TBCA: variants seen among roughly 807,000 people sequenced by gnomAD.
The protein encoded by TBCA is tubulin-specific chaperone A.
In TBCA, 6 loss-of-function variants were observed where a neutral mutation model predicts 15.8. The ratio of observed to expected loss-of-function variants is 0.38; its 90% CI spans 0.21 to 0.75. TBCA has a LOEUF of 0.75. TBCA is among the 30% of genes least tolerant of loss of function. TBCA has a pLI of 0.46. For synonymous variants in TBCA, 32 were observed against 42.3 expected (o/e 0.76, Z 0.94); for missense variants, 90 against 131.2 (o/e 0.69, Z 1.53).
chr5:77,774,695 C>T (rs1580144436), intron 1 of TBCA, among the ~76,000 whole-genome samples: 1 of 152,262 alleles, frequency 6.6e-6, no homozygotes. Context: ...CAAGCTGTAG[C>T]CTGACCACCT....
chr5:77,732,176 A>C (rs1746787509), intron 1 of TBCA, among the ~76,000 whole-genome samples: 2 of 152,182 alleles, frequency 1.3e-5, no homozygotes, highest in Non-Finnish European at 2.9e-5. Context: ...ACATTTCTAG[A>C]GCTATAGCTT....
At chr5:77,707,870 T>C (rs1041097516) in intron 2 of TBCA, among the ~76,000 whole-genome samples, 18 of 152,182 alleles carry the variant, frequency 1.2e-4, no homozygotes, top group Non-Finnish European at 2.2e-4. Flanking sequence ...AAATCTTAGC[T>C]ATGCCAGGTG....
intron 1 of TBCA, among the ~76,000 whole-genome samples, chr5:77,739,003 T>C (rs1746972867): frequency 6.6e-6 from 1 of 152,202 alleles, no homozygotes; most frequent in South Asian, 2.1e-4. Context: ...TTTGGTTTAA[T>C]GGAAGAGAAT....
intron 1 of TBCA, among the ~76,000 whole-genome samples, chr5:77,759,576 TTAAAG>T (rs1229946516): frequency 6.6e-6 from 1 of 152,124 alleles, no homozygotes; most frequent in East Asian, 1.9e-4. Flanking sequence ...GATAAAAAAT[TTAAAG>T]TAAGCATAAA....
At chr5:77,693,567 G>C in intron 2 of TBCA, 1 of 561,644 alleles carries the variant, frequency 1.8e-6, no homozygotes, top group Non-Finnish European at 3.1e-6. Context: ...GGGAGACCGA[G>C]GCAGGCAGAT....
intron 1 of TBCA, among the ~76,000 whole-genome samples, chr5:77,749,065 T>C (rs533514362): frequency 3.1e-4 from 47 of 152,346 alleles, no homozygotes; most frequent in African/African-American, 8.4e-4. Context: ...CTCTGCTTCT[T>C]TGGGGCACTT....
chr5:77,757,746 T>A (rs1025775722), intron 1 of TBCA, among the ~76,000 whole-genome samples: 3 of 152,166 alleles, frequency 2.0e-5, no homozygotes, highest in South Asian at 4.2e-4. Flanking sequence ...CTCAGTCAAT[T>A]TGGAAAGTTT....
Position 77,693,276 on chromosome 5 carries a change from T to C in TBCA, c.236A>G (p.Gln79Arg). The C allele has an allele frequency of 6.2e-7, 1 of 1,613,904 alleles. No homozygotes were observed. The highest frequency in any genetic ancestry group is 8.5e-7 in the Non-Finnish European group (1 of 1,179,952). Residue 79 changes from glutamine to arginine, a missense_variant, in exon 3 of 4, where the codon CAA becomes CGA. Transcript: ENST00000380377. The part of the protein sequence containing the change: ...RRLEAAYLDL[Q>R]RILENEKDLE... ...GAAGTCTTTGCTTACTAGTATCCGT[T>C]GAAGATCCAAATATGCGGCTTCCAA...
At chr5:77,721,347 G>A (rs771635225) in intron 1 of TBCA, among the ~76,000 whole-genome samples, 2 of 152,180 alleles carry the variant, frequency 1.3e-5, no homozygotes, top group East Asian at 1.9e-4. Context: ...TTTATGCAGC[G>A]TATTGAACTA....
intron 1 of TBCA, among the ~76,000 whole-genome samples, chr5:77,749,827 G>C (rs1747275344): frequency 6.6e-6 from 1 of 152,156 alleles, no homozygotes; most frequent in Admixed American, 6.5e-5. Flanking sequence ...ATCAATAGAA[G>C]ACTAGTTTTT....
intron 1 of TBCA, among the ~76,000 whole-genome samples, chr5:77,749,869 T>C (rs1400280919): frequency 6.6e-6 from 1 of 152,224 alleles, no homozygotes; most frequent in Non-Finnish European, 1.5e-5. Context: ...CCGAATACTT[T>C]GCAGTCTTTA....
intron 1 of TBCA, among the ~76,000 whole-genome samples, chr5:77,718,149 C>T (rs2112452062): frequency 6.6e-6 from 1 of 152,136 alleles, no homozygotes; most frequent in South Asian, 2.1e-4. Context: ...AAAAAACAAA[C>T]CAAGACCACT....
chr5:77,763,004 GAGGCCGAGGC>G (rs942455433), intron 1 of TBCA, among the ~76,000 whole-genome samples: 2 of 152,230 alleles, frequency 1.3e-5, no homozygotes, highest in African/African-American at 2.4e-5. Context: ...AGCACTTTGG[GAGGCCGAGGC>G]AGGCGGATCA....
intron 1 of TBCA, among the ~76,000 whole-genome samples, chr5:77,760,613 G>C (rs554987283): frequency 4.1e-4 from 63 of 152,306 alleles, no homozygotes; most frequent in African/African-American, 1.5e-3. Flanking sequence ...GGTGGAAACG[G>C]GGTTTCGCCG....
chr5:77,763,790 C>T (rs998532207), intron 1 of TBCA, among the ~76,000 whole-genome samples: 4 of 152,308 alleles, frequency 2.6e-5, no homozygotes, highest in East Asian at 3.9e-4. Context: ...ATAAGCCACC[C>T]AGTCTATGGT....
intron 1 of TBCA, among the ~76,000 whole-genome samples, chr5:77,740,396 G>T (rs905679721): frequency 6.6e-6 from 1 of 152,146 alleles, no homozygotes; most frequent in Non-Finnish European, 1.5e-5. Context: ...AGTAATCCAG[G>T]AGAGAGATGG....
chr5:77,709,758 A>G (rs1561266598), intron 1 of TBCA, among the ~76,000 whole-genome samples: 2 of 152,236 alleles, frequency 1.3e-5, no homozygotes, highest in Admixed American at 6.5e-5. Context: ...TATGCAAGAC[A>G]GGCAAAATGT....
chr5:77,776,231 G>C lies in TBCA; in HGVS notation c.27C>G (p.Ile9Met). The change falls in exon 1 of 4, where the codon ATC (isoleucine) becomes ATG (methionine). Residue 9 changes from isoleucine to methionine, a missense_variant. Coordinates refer to ENST00000380377, the MANE Select transcript of TBCA (RefSeq NM_004607.3). MADPRVRQ[I>M]KIKTGVVKRL... is the part of the protein sequence containing the mutation. ...GCTTCACCACGCCGGTCTTGATCTT[G>C]ATCTGTCTCACGCGAGGATCGGCCA... 6.3e-7 allele frequency: 1 copy of C among 1,577,830 alleles called. No individual in the cohort carries two copies. Among genetic ancestry groups the C allele is most frequent in the Non-Finnish European group, 8.6e-7 (1 of 1,162,878 alleles).
intron 1 of TBCA, among the ~76,000 whole-genome samples, chr5:77,714,213 G>C (rs1256277393): frequency 6.6e-6 from 1 of 151,936 alleles, no homozygotes; most frequent in Admixed American, 6.6e-5. Context: ...CCAGCTACTT[G>C]GGAGGCTGAG....
Sources: gnomAD v4.1 joint callset for allele counts (sites outside exome capture counted in the v4.1 genomes callset) on GRCh38, gnomAD v4.1.1 for gene constraint, MANE v1.5 for transcripts, NCBI Gene and HGNC (gene_info 2026-07-23, HGNC 2026-07-21) for gene names.